Variants in MYOM2 observed in about 807,000 individuals in gnomAD.
The protein encoded by MYOM2 is myomesin 2, also known as myomesin-2.
MYOM2 carries 254 observed loss-of-function variants against 187.6 expected under a neutral mutation model. That is an observed-to-expected ratio of 1.35 (90% CI 1.22 to 1.50). The LOEUF is 1.50. Ranked by LOEUF, MYOM2 falls within the 40% of genes most tolerant of loss-of-function variation. The pLI, the probability that MYOM2 is intolerant of heterozygous loss-of-function variation, is 0.00. For synonymous variants in MYOM2, 981 were observed against 753.8 expected, an observed-to-expected ratio of 1.30 and a Z score of -4.94; for missense variants, 2,796 against 1,924.0, an observed-to-expected ratio of 1.45 and a Z score of -8.48.
intron 36 of MYOM2, 98 bp downstream of exon 36, chr8:2,143,554 C>G: frequency 7.1e-7 from 1 of 1,416,372 alleles, no homozygotes. Flanking sequence ...CAGTGAGGGG[C>G]TTCTGTGTCC....
At chr8:2,131,233 A>G (rs536372133) in intron 32 of MYOM2, among the ~76,000 whole-genome samples, 1 of 152,306 alleles carries the variant, frequency 6.6e-6, no homozygotes, top group Non-Finnish European at 1.5e-5. Context: ...CACGTTCAAC[A>G]CATGTTATTT....
At chr8:2,075,398 C>T (rs1386338915) in intron 10 of MYOM2, among the ~76,000 whole-genome samples, 2 of 152,168 alleles carry the variant, frequency 1.3e-5, no homozygotes, top group Admixed American at 6.5e-5. Context: ...CCATTTTCAT[C>T]GCTTTCTGAG....
chr8:2,141,223 A>G, intron 34 of MYOM2, 46 bp downstream of exon 34: 2 of 1,566,062 alleles, frequency 1.3e-6, no homozygotes, highest in Admixed American at 1.7e-5. Flanking sequence ...TGGGCAGTTG[A>G]GTCCCAGTCG....
Position 2,109,613 on chromosome 8 carries a change from CTCTG to C in MYOM2, c.3180+88_3180+91del, listed in dbSNP as rs558499672. 396 of 1,425,040 alleles carry C rather than the reference CTCTG, an allele frequency of 2.8e-4. 5 individuals carry two copies. The African/African-American group carries it at 4.7e-3, about 17-fold the overall frequency. The allele number at this position is 1,425,040 out of a possible 1,614,324, so 88.3% of individuals were successfully genotyped here. ...AGGTCAGTTACTGAATATCAACATTCTCTGTCTGTTTCCATCCTTTTCTGAGCCT... is the reference window on the plus strand; with the variant it reads ...AGGTCAGTTACTGAATATCAACATTCTCTGTTTCCATCCTTTTCTGAGCCT... On this transcript the variant is annotated intron_variant, in intron 25 of 36. Transcript: ENST00000262113.
chr8:2,136,530 T>C (rs953562857), intron 32 of MYOM2, among the ~76,000 whole-genome samples: 1 of 152,170 alleles, frequency 6.6e-6, no homozygotes, highest in African/African-American at 2.4e-5. Flanking sequence ...AAAGAATCTC[T>C]CGCTGAAGTA....
At chr8:2,074,107 T>C (rs1458053038) in intron 10 of MYOM2, among the ~76,000 whole-genome samples, 1 of 152,204 alleles carries the variant, frequency 6.6e-6, no homozygotes, top group East Asian at 1.9e-4. Flanking sequence ...GAAGCTTCAC[T>C]CATTCCATTT....
rs184384086 is a variant in MYOM2 at position 2,132,710 on chromosome 8, C to G, written c.3800+3478C>G. ...CAAGGAATCCTCTTGCCTTGGCCAC[C>G]TCACATGCCTCACAGTGTCTTTATG... On this transcript the variant is annotated intron_variant, in intron 32 of 36. Transcript: ENST00000262113. 4.6e-3 allele frequency among the ~76,000 whole-genome samples: 707 copies of G among 152,270 alleles called. 12 individuals are homozygous for G. Among genetic ancestry groups the G allele is most frequent in the East Asian group, 0.044 (230 of 5,174 alleles).
At position 2,085,259 on chromosome 8, in the gene MYOM2, C is replaced by T; in HGVS notation, c.1517-4C>T. On this transcript the variant is annotated splice_region_variant and splice_polypyrimidine_tract_variant and intron_variant, in intron 13 of 36. Transcript: ENST00000262113. ...AGCACTCACCGAATTTATTATTCCT[C>T]CAGGTGACGCCCAGGTTCCAGGGCC... The T allele has an allele frequency of 6.2e-7, 1 of 1,613,818 alleles. No homozygotes were observed. The highest frequency in any genetic ancestry group is 8.5e-7 in the Non-Finnish European group (1 of 1,179,826).
chr8:2,139,923 T>A (rs1798216703), intron 32 of MYOM2, among the ~76,000 whole-genome samples: 2 of 152,188 alleles, frequency 1.3e-5, no homozygotes, highest in South Asian at 4.1e-4. Context: ...ATAATACACA[T>A]AATGTAAAAG....
intron 27 of MYOM2, 91 bp from the exon 28 acceptor site, chr8:2,117,794 T>A: frequency 1.3e-6 from 1 of 785,548 alleles, no homozygotes; most frequent in Non-Finnish European, 2.0e-6. Context: ...ACACCATGCA[T>A]ATATGTGTGG....
chr8:2,129,325 G>T, intron 32 of MYOM2, 93 bp downstream of exon 32: 1 of 740,644 alleles, frequency 1.4e-6, no homozygotes, highest in South Asian at 1.8e-5. Context: ...GAACATCAAG[G>T]CACTGCCATT....
At chr8:2,078,535 A>C (rs941478201) in intron 11 of MYOM2, among the ~76,000 whole-genome samples, 199 bp from the exon 12 acceptor site, 4 of 151,996 alleles carry the variant, frequency 2.6e-5, no homozygotes, top group Non-Finnish European at 5.9e-5. Flanking sequence ...TATTACATAT[A>C]ATATATATAT....
chr8:2,117,616 G>C (rs1412007707), intron 27 of MYOM2, among the ~76,000 whole-genome samples: 1 of 152,138 alleles, frequency 6.6e-6, no homozygotes, highest in Non-Finnish European at 1.5e-5. Flanking sequence ...GGAGCCATCA[G>C]ACGTACGCTC....
chr8:2,065,177 A>G (rs1389996476), intron 6 of MYOM2, among the ~76,000 whole-genome samples: 1 of 152,202 alleles, frequency 6.6e-6, no homozygotes. Flanking sequence ...AATACCCACA[A>G]TGTGTTTATT....
chr8:2,086,965 G>C (rs1796113875), intron 14 of MYOM2, among the ~76,000 whole-genome samples: 1 of 151,466 alleles, frequency 6.6e-6, no homozygotes, highest in African/African-American at 2.4e-5. Flanking sequence ...TGCATACAAA[G>C]AAATACAAAA....
At chr8:2,086,473 CTGT>C (rs1796071119) in intron 14 of MYOM2, among the ~76,000 whole-genome samples, 1 of 148,300 alleles carries the variant, frequency 6.7e-6, no homozygotes, top group Non-Finnish European at 1.5e-5. Flanking sequence ...TGGCCACACA[CTGT>C]CATGATCTCT....
intron 35 of MYOM2, among the ~76,000 whole-genome samples, chr8:2,142,710 CT>C (rs1798316414): frequency 1.1e-4 from 2 of 18,944 alleles, no homozygotes; most frequent in Non-Finnish European, 2.2e-4. Context: ...CTCCCCTTCC[CT>C]CCCTCCCTCC....
chr8:2,095,373 C>A (rs1796444298), intron 17 of MYOM2, among the ~76,000 whole-genome samples: 1 of 151,550 alleles, frequency 6.6e-6, no homozygotes, highest in Non-Finnish European at 1.5e-5. Flanking sequence ...CTCCCTGCAG[C>A]CTTGAGCTTT....
chr8:2,117,242 G>T (rs1797279815), intron 27 of MYOM2, among the ~76,000 whole-genome samples: 1 of 151,998 alleles, frequency 6.6e-6, no homozygotes, highest in African/African-American at 2.4e-5. Flanking sequence ...TTTGTAGGAT[G>T]TATTTATGTA....
Sources: allele counts gnomAD v4.1 joint callset (sites outside exome capture counted in the v4.1 genomes callset), GRCh38; gene constraint gnomAD v4.1.1; transcripts MANE v1.5; gene names NCBI Gene and HGNC (gene_info 2026-07-23, HGNC 2026-07-21).